The following ZNF350 variants were observed in gnomAD, a reference collection of about 807,000 sequenced individuals.
ZNF350 encodes the protein KRAB zinc finger protein ZFQR.
Under a neutral mutation model 13.1 loss-of-function variants are expected in ZNF350, and 5 were observed. The ratio of observed to expected loss-of-function variants is 0.38; its 90% CI spans 0.20 to 0.80. The LOEUF (loss-of-function observed/expected upper bound fraction) is 0.80, where lower values mean the gene tolerates loss of function less well. Among genes scored for constraint, ZNF350 ranks in the 30% least tolerant of loss-of-function variants. The pLI is 0.43. For missense variants in ZNF350, 534 were observed against 644.2 expected (o/e 0.83, Z 1.85); for synonymous variants, 199 against 224.2 (o/e 0.89, Z 1.00).
In ZNF350 at chr19:51,965,492, T is replaced by C; in HGVS notation, c.961A>G (p.Asn321Asp). The C allele has an allele frequency of 6.2e-7, 1 of 1,614,214 alleles. No individual in the cohort carries two copies. ...TGAATGAAGCCTTTTCCACATTCAT[T>C]GCATATATAAGGTTTCTCACCTGTA... ...IHTGEKPYIC[N>D]ECGKGFIQKT... is the part of the protein sequence containing the mutation. The change falls in exon 5 of 5, where the codon AAT becomes GAT. Residue 321 changes from asparagine to aspartate, a missense_variant. Physicochemically the swap from Asn to Asp is conservative, Grantham distance 23 (BLOSUM62 1). Transcript: ENST00000243644.
At chr19:51,982,592 A>T (rs895136807) in intron 1 of ZNF350, among the ~76,000 whole-genome samples, 1 of 152,240 alleles carries the variant, frequency 6.6e-6, no homozygotes, top group African/African-American at 2.4e-5. Flanking sequence ...AAAGCATTTT[A>T]AAAATGTCAA....
At chr19:51,986,599 A>C (rs1185581435) in intron 1 of ZNF350, 171 bp downstream of exon 1, 1 of 152,868 alleles carries the variant, frequency 6.5e-6, no homozygotes, top group Non-Finnish European at 1.5e-5. Flanking sequence ...CAGGGGGATC[A>C]CAGACTCCCA....
intron 1 of ZNF350, chr19:51,984,185 A>G (rs201717100): frequency 1.9e-5 from 1 of 51,552 alleles, no homozygotes; most frequent in Non-Finnish European, 3.1e-5. Context: ...TAAAAAAATT[A>G]AAAAAAAAAA....
chr19:51,975,441 A>ACAAC (rs990281981), intron 1 of ZNF350, among the ~76,000 whole-genome samples: 21 of 151,404 alleles, frequency 1.4e-4, no homozygotes, highest in African/African-American at 5.1e-4. Context: ...AAAAAAAAAA[A>ACAAC]AAAAAAAAAA....
In ZNF350 at chr19:51,969,004, C is replaced by T; in HGVS notation, c.142+1G>A. 3 of 1,614,026 alleles carry T rather than the reference C, an allele frequency of 1.9e-6. No homozygotes were observed. The highest frequency in any genetic ancestry group is 2.5e-6 in the Non-Finnish European group (3 of 1,179,944). On this transcript the variant is annotated splice_donor_variant, in intron 3 of 4. Coordinates refer to ENST00000243644, the MANE Select transcript of ZNF350 (RefSeq NM_021632.4). LOFTEE classifies it high-confidence loss of function. ...GAGTGACACAGGGCAGCTGTCCTCA[C>T]CCACTGCCACCAGGTTGCTGTAGTT...
Position 51,965,973 on chromosome 19 carries a change from A to G in ZNF350, c.480T>C (p.Asn160=), listed in dbSNP as rs1297184021. The G allele has an allele frequency of 6.2e-7, 1 of 1,614,002 alleles. No individual in the cohort carries two copies. Among genetic ancestry groups the G allele is most frequent in the African/African-American group, 1.3e-5 (1 of 74,930 alleles). The part of the protein sequence containing the change: ...EIKNSVEFTG[N]GDSFLHANHE... ...GGTTAGCATGAAGAAAGGAGTCCCCATTTCCAGTAAACTCAACAGAGTTCT... is the reference window on the plus strand; with the variant it reads ...GGTTAGCATGAAGAAAGGAGTCCCCGTTTCCAGTAAACTCAACAGAGTTCT... Residue 160 remains asparagine (N), a synonymous_variant, in exon 5 of 5, where the codon AAT becomes AAC. Coordinates refer to ENST00000243644, the MANE Select transcript of ZNF350 (RefSeq NM_021632.4).
chr19:51,970,452 G>A (rs2085706783), intron 2 of ZNF350, among the ~76,000 whole-genome samples: 1 of 150,528 alleles, frequency 6.6e-6, no homozygotes. Context: ...ATTGTTTAGG[G>A]AATCATGACA....
Position 51,976,780 on chromosome 19 carries a change from C to A in ZNF350, c.-171-2249G>T, listed in dbSNP as rs1209540324. ...GCCACAAAAGGTTATTACACATAACCCATCGTTTCCACAGGCAGGCACTCT... is the reference window on the plus strand; with the variant it reads ...GCCACAAAAGGTTATTACACATAACACATCGTTTCCACAGGCAGGCACTCT... On this transcript the variant is annotated intron_variant, in intron 1 of 4. Coordinates refer to ENST00000243644, the MANE Select transcript of ZNF350 (RefSeq NM_021632.4). The surrounding 1 kb of genome is among the most constrained non-coding windows in gnomAD (Gnocchi z 4.5). 1.3e-5 allele frequency: 2 copies of A among 152,138 alleles called. No individual in the cohort carries two copies. Among genetic ancestry groups the A allele is most frequent in the African/African-American group, 4.8e-5 (2 of 41,410 alleles). The allele number at this position is 152,138 out of a possible 1,614,324, so 9.4% of individuals were successfully genotyped here.
intron 4 of ZNF350, among the ~76,000 whole-genome samples, chr19:51,967,585 T>C (rs923843236): frequency 6.6e-6 from 1 of 152,104 alleles, no homozygotes; most frequent in African/African-American, 2.4e-5. Flanking sequence ...ATTTGACAGG[T>C]AACATGGTTT....
chr19:51,981,533 C>T (rs1310839449), intron 1 of ZNF350, among the ~76,000 whole-genome samples: 1 of 152,092 alleles, frequency 6.6e-6, no homozygotes, highest in Non-Finnish European at 1.5e-5. Flanking sequence ...GATCTCATCA[C>T]ACACCCGCCT....
Position 51,965,820 on chromosome 19 carries a change from A to G in ZNF350, c.633T>C (p.Cys211=), listed in dbSNP as rs1215015258. Reference sequence around the variant, plus strand: ...AAGACTTCTTGATGAAGGCTTTCCCACATTCACTGCACACATGATGCTTCT... The same window carrying G: ...AAGACTTCTTGATGAAGGCTTTCCCGCATTCACTGCACACATGATGCTTCT... ...KLEKHHVCSE[C]GKAFIKKSWL... is the part of the protein sequence containing the mutation. Residue 211 remains cysteine, a synonymous_variant, in exon 5 of 5, where the codon TGT becomes TGC. Coordinates refer to ENST00000243644, the MANE Select transcript of ZNF350 (RefSeq NM_021632.4). 6.2e-7 allele frequency: 1 copy of G among 1,614,142 alleles called. No homozygotes were observed. Among genetic ancestry groups the G allele is most frequent in the South Asian group, 1.1e-5 (1 of 91,080 alleles).
chr19:51,971,916 C>A (rs150290500), intron 2 of ZNF350, among the ~76,000 whole-genome samples: 1 of 152,146 alleles, frequency 6.6e-6, no homozygotes, highest in African/African-American at 2.4e-5. Flanking sequence ...TAGTGACTTA[C>A]CTCTATTCAG....
At chr19:51,967,984 G>A (rs889314269) in intron 4 of ZNF350, among the ~76,000 whole-genome samples, 13 of 152,104 alleles carry the variant, frequency 8.5e-5, no homozygotes, top group African/African-American at 2.4e-4. Context: ...TCCAGGGAGC[G>A]GAAGGAGTTT....
rs1422572615 is a variant in ZNF350, at chr19:51,965,513, C to T, written c.940G>A (p.Gly314Ser). The T allele has an allele frequency of 6.2e-7, 1 of 1,613,986 alleles. No homozygotes were observed. The highest frequency in any genetic ancestry group is 8.5e-7 in the Non-Finnish European group (1 of 1,180,026). ...TCATTGCATATATAAGGTTTCTCAC[C>T]TGTATGAATTCGCTGGTGTACAATG... Reference protein sequence around the residue: ...NLIVHQRIHTGEKPYICNECG... With the variant: ...NLIVHQRIHTSEKPYICNECG... Residue 314 changes from glycine (G) to serine (S), a missense_variant, in exon 5 of 5, where the codon GGT becomes AGT. Transcript: ENST00000243644.
rs771919625 is a variant in ZNF350 at position 51,965,091 on chromosome 19, T to C, written c.1362A>G (p.Lys454=). Residue 454 remains lysine, a synonymous_variant, in exon 5 of 5, where the codon AAA becomes AAG. Coordinates refer to ENST00000243644, the MANE Select transcript of ZNF350 (RefSeq NM_021632.4). The part of the protein sequence containing the change: ...SLHTSDVMQE[K]NSANGATTQV... ...GTGTAGTCGCCCCGTTAGCAGAGTT[T>C]TTCTCCTGCATGACATCACTGGTGT... 6.2e-7 allele frequency: 1 copy of C among 1,614,182 alleles called. No individual in the cohort carries two copies. Among genetic ancestry groups the C allele is most frequent in the Admixed American group, 1.7e-5 (1 of 60,032 alleles).
chr19:51,968,456 C>G (rs530874916), intron 4 of ZNF350, 122 bp downstream of exon 4: 1 of 858,360 alleles, frequency 1.2e-6, no homozygotes, highest in African/African-American at 1.7e-5. Flanking sequence ...TGGTCTCACA[C>G]TGGGAGACAG....
intron 2 of ZNF350, among the ~76,000 whole-genome samples, chr19:51,972,373 CCA>C (rs376866358): frequency 1.4e-3 from 209 of 148,874 alleles, no homozygotes; most frequent in African/African-American, 4.8e-3. Flanking sequence ...CCCACCCCCG[CCA>C]CACACACACA....
chr19:51,970,098 C>T (rs2085694709), intron 2 of ZNF350, among the ~76,000 whole-genome samples: 1 of 144,312 alleles, frequency 6.9e-6, no homozygotes, highest in African/African-American at 2.6e-5. Context: ...TTTTGCTCCT[C>T]TTTCCCAGGC....
chr19:51,966,925 G>A lies in ZNF350; in HGVS notation c.239-711C>T, dbSNP rs111270196. Reference sequence around the variant, plus strand: ...GTCTCCCAAAGTTCTGGGATTACAGGTGTGAGCCGCTGCACCCGGCCCCAA... The same window carrying A: ...GTCTCCCAAAGTTCTGGGATTACAGATGTGAGCCGCTGCACCCGGCCCCAA... On this transcript the variant is annotated intron_variant, in intron 4 of 4. Coordinates refer to ENST00000243644, the MANE Select transcript of ZNF350 (RefSeq NM_021632.4). Among the ~76,000 whole-genome samples, 75 of 152,254 alleles carry A rather than the reference G, an allele frequency of 4.9e-4. 2 individuals carry two copies. Among genetic ancestry groups the A allele is most frequent in the African/African-American group, 1.7e-3 (71 of 41,552 alleles).
Sources: gnomAD v4.1 joint callset for allele counts (sites outside exome capture counted in the v4.1 genomes callset) on GRCh38, gnomAD v4.1.1 for gene constraint, Gnocchi (gnomAD v3.1) non-coding constraint, MANE v1.5 for transcripts, NCBI Gene and HGNC (gene_info 2026-07-23, HGNC 2026-07-21) for gene names.